Variants in TRIO observed in about 807,000 individuals in gnomAD.
TRIO encodes triple functional domain protein.
Under a neutral mutation model 351.9 loss-of-function variants are expected in TRIO, and 58 were observed. The ratio of observed to expected loss-of-function variants is 0.16; its 90% CI spans 0.13 to 0.21. TRIO has a LOEUF of 0.21. Ranked by LOEUF, TRIO falls within the 10% of genes least tolerant of loss-of-function variation. TRIO has a pLI of 1.00. For missense variants in TRIO, 3,201 were observed against 4,027.8 expected (o/e 0.79, Z 5.56); for synonymous variants, 1,758 against 1,595.7 (o/e 1.10, Z -2.42).
intron 1 of TRIO, among the ~76,000 whole-genome samples, chr5:14,152,266 T>TGAAA (rs1187146709): frequency 6.6e-6 from 1 of 152,222 alleles, no homozygotes; most frequent in Non-Finnish European, 1.5e-5. Context: ...ACCAGAGTGA[T>TGAAA]GAAAGCTGGC....
At chr5:14,254,134 TA>T (rs951805076) in intron 1 of TRIO, among the ~76,000 whole-genome samples, 67 of 152,242 alleles carry the variant, frequency 4.4e-4, no homozygotes, top group African/African-American at 1.5e-3. Flanking sequence ...AAGTAAGTAA[TA>T]AATAGAACCC....
chr5:14,316,862 G>A, intron 9 of TRIO, 119 bp downstream of exon 9: 1 of 1,187,232 alleles, frequency 8.4e-7, no homozygotes, highest in South Asian at 1.6e-5. Context: ...ATAAGGAGAG[G>A]AGCTTTTTTG....
chr5:14,493,703 C>T (rs1020139670), intron 49 of TRIO, among the ~76,000 whole-genome samples: 2 of 152,192 alleles, frequency 1.3e-5, no homozygotes, highest in Admixed American at 6.5e-5. Context: ...CACTTTAAAT[C>T]AAAAGCCAGA....
At chr5:14,167,081 A>G (rs982369138) in intron 1 of TRIO, among the ~76,000 whole-genome samples, 4 of 151,408 alleles carry the variant, frequency 2.6e-5, no homozygotes, top group African/African-American at 9.7e-5. Flanking sequence ...TTTCTGACCG[A>G]TCACTGGGTT....
intron 18 of TRIO, 137 bp from the exon 19 acceptor site, chr5:14,374,092 C>T (rs1314331382): frequency 1.7e-6 from 1 of 572,708 alleles, no homozygotes; most frequent in East Asian, 3.3e-5. Flanking sequence ...AGATTTTATC[C>T]TATGCATTTT....
intron 34 of TRIO, among the ~76,000 whole-genome samples, chr5:14,438,188 G>A (rs181738358): frequency 6.6e-6 from 1 of 152,164 alleles, no homozygotes; most frequent in African/African-American, 2.4e-5. Context: ...CACCCCATTC[G>A]CTCCATTTTC....
chr5:14,361,223 A>T (rs550600988), intron 13 of TRIO, among the ~76,000 whole-genome samples: 61 of 152,348 alleles, frequency 4.0e-4, no homozygotes, highest in Admixed American at 3.4e-3. Context: ...AGAGAAAAAA[A>T]TTTTTAATAT....
intron 19 of TRIO, among the ~76,000 whole-genome samples, chr5:14,376,927 C>T (rs1237155637): frequency 6.6e-6 from 1 of 152,150 alleles, no homozygotes; most frequent in Non-Finnish European, 1.5e-5. Context: ...GAAAGATGGT[C>T]TCATTGTTTG....
chr5:14,429,118 A>G (rs766557029), intron 34 of TRIO, among the ~76,000 whole-genome samples: 1 of 152,250 alleles, frequency 6.6e-6, no homozygotes, highest in Non-Finnish European at 1.5e-5. Context: ...ATGGTTTAAA[A>G]GTCCAGCTTG....
intron 1 of TRIO, among the ~76,000 whole-genome samples, chr5:14,172,272 G>C (rs1002606763): frequency 1.3e-5 from 2 of 152,208 alleles, no homozygotes; most frequent in Non-Finnish European, 2.9e-5. Flanking sequence ...TAGCCAAGCA[G>C]TACTTGCCCC....
chr5:14,320,941 G>A (rs922560305), intron 9 of TRIO, among the ~76,000 whole-genome samples: 6 of 152,276 alleles, frequency 3.9e-5, no homozygotes, highest in African/African-American at 1.2e-4. Context: ...TGAAACTTGC[G>A]ACCTCTTCTG....
intron 1 of TRIO, among the ~76,000 whole-genome samples, chr5:14,241,043 G>A (rs971034499): frequency 3.9e-5 from 6 of 152,164 alleles, no homozygotes; most frequent in African/African-American, 1.4e-4. Flanking sequence ...ATGTCAATAC[G>A]TTGAAAGAAA....
At chr5:14,237,673 C>A (rs1194865289) in intron 1 of TRIO, among the ~76,000 whole-genome samples, 1 of 152,162 alleles carries the variant, frequency 6.6e-6, no homozygotes, top group Non-Finnish European at 1.5e-5. Context: ...GGCATAAAAC[C>A]CTCTACATTG....
chr5:14,426,666 A>G (rs930239567), intron 34 of TRIO, among the ~76,000 whole-genome samples: 2 of 152,216 alleles, frequency 1.3e-5, no homozygotes, highest in Non-Finnish European at 2.9e-5. Flanking sequence ...CGGTAGAGAA[A>G]GCAGCGAGTC....
At chr5:14,296,657 G>C (rs1737388093) in intron 6 of TRIO, among the ~76,000 whole-genome samples, 2 of 152,158 alleles carry the variant, frequency 1.3e-5, no homozygotes, top group African/African-American at 4.8e-5. Context: ...CGTGTTTTTG[G>C]GTTTCTGGGT....
intron 1 of TRIO, among the ~76,000 whole-genome samples, chr5:14,210,332 C>T (rs1032259122): frequency 6.6e-6 from 1 of 152,170 alleles, no homozygotes; most frequent in Non-Finnish European, 1.5e-5. Flanking sequence ...AGGTAATTGT[C>T]CAGCGACCCC....
At chr5:14,268,950 T>G (rs549235461) in intron 1 of TRIO, among the ~76,000 whole-genome samples, 4 of 152,280 alleles carry the variant, frequency 2.6e-5, no homozygotes, top group Admixed American at 6.5e-5. Context: ...TTCAAGAGTT[T>G]TGAAGGAACC....
intron 27 of TRIO, among the ~76,000 whole-genome samples, chr5:14,391,940 A>T (rs939625648): frequency 6.6e-6 from 1 of 152,244 alleles, no homozygotes; most frequent in Admixed American, 6.5e-5. Context: ...TCCCAGGCCA[A>T]AGTGGCCTTT....
chr5:14,145,097 G>A lies in TRIO; in HGVS notation c.157+1215G>A, dbSNP rs560794818. 4.6e-5 allele frequency among the ~76,000 whole-genome samples: 7 copies of A among 152,092 alleles called. No homozygotes were observed. In the East Asian group the frequency reaches 1.4e-3, roughly 30 times the overall value. ...ACGGCCGGGCTGGGGACACCGACAG[G>A]CCGGGGGAGCGGCCCTGCGCTGGGG... On this transcript the variant is annotated intron_variant, in intron 1 of 56. Transcript: ENST00000344204.
Sources: gnomAD v4.1 joint callset for allele counts (sites outside exome capture counted in the v4.1 genomes callset) on GRCh38, gnomAD v4.1.1 for gene constraint, MANE v1.5 for transcripts, NCBI Gene and HGNC (gene_info 2026-07-23, HGNC 2026-07-21) for gene names.